Variants in LEMD2 observed in about 807,000 individuals in gnomAD.
LEMD2 encodes the protein LEM domain-containing protein 2.
LEMD2 carries 34 observed loss-of-function variants against 58.8 expected under a neutral mutation model. The ratio of observed to expected loss-of-function variants is 0.58; its 90% CI spans 0.44 to 0.77. LEMD2 has a LOEUF of 0.77. Ranked by LOEUF, LEMD2 falls within the 30% of genes least tolerant of loss-of-function variation. The pLI is 0.00. For missense variants in LEMD2, 629 were observed against 717.9 expected (o/e 0.88, Z 1.42); for synonymous variants, 298 against 308.9 (o/e 0.96, Z 0.37).
Position 33,772,703 on chromosome 6 carries a change from G to A in LEMD2, c.1437C>T (p.Ser479=). 1.2e-6 allele frequency: 2 copies of A among 1,614,052 alleles called. No homozygotes were observed. The highest frequency in any genetic ancestry group is 1.7e-6 in the Non-Finnish European group (2 of 1,180,006). Residue 479 remains serine (S), a synonymous_variant, in exon 9 of 9, where the codon TCC becomes TCT. Transcript: ENST00000293760. The stretch of plus-strand genomic sequence containing the variant: ...GCATGTCCTCTCCTGCAACGCGGTG[G>A]GACTCCGTCTGGATCCGGGATTCGT... The part of the protein sequence containing the change: ...ASNESRIQTE[S]HRVAGEDMLV...
intron 4 of LEMD2, 47 bp from the exon 5 acceptor site, chr6:33,780,226 A>T (rs1212334227): frequency 6.8e-7 from 1 of 1,475,108 alleles, no homozygotes; most frequent in African/African-American, 1.4e-5. Flanking sequence ...TGGGCGGAGC[A>T]GCTGGAACAT....
Position 33,788,501 on chromosome 6 carries a change from G to T in LEMD2, c.616C>A (p.Leu206Met). 1 of 1,542,216 alleles carries T rather than the reference G, an allele frequency of 6.5e-7. No homozygotes were observed. ...AGAAGCCGAGAGAGCCAGCGCTCCAGCCGGCGCCCCACCTCAGGCCGGGCC... is the reference window on the plus strand; with the variant it reads ...AGAAGCCGAGAGAGCCAGCGCTCCATCCGGCGCCCCACCTCAGGCCGGGCC... Reference protein sequence around the residue: ...ARARPEVGRRLERWLSRLLLW... With the variant: ...ARARPEVGRRMERWLSRLLLW... The change falls in exon 1 of 9, where the codon CTG (leucine) becomes ATG (methionine). Residue 206 changes from leucine to methionine, a missense_variant. Leu to Met is a conservative substitution (Grantham distance 15). This residue lies in a region of LEMD2 where 386 missense variants were observed against 381.1 expected (regional missense o/e 1.01). Coordinates refer to ENST00000293760, the MANE Select transcript of LEMD2 (RefSeq NM_181336.4).
chr6:33,785,112 G>A (rs533136096), intron 2 of LEMD2, among the ~76,000 whole-genome samples: 2 of 152,156 alleles, frequency 1.3e-5, no homozygotes, highest in Admixed American at 6.5e-5. Flanking sequence ...AAGTGTCACC[G>A]TCTTCAACGA....
rs967746183 is a variant in LEMD2, at chr6:33,773,954, G to C, written c.1362-1176C>G. Among the ~76,000 whole-genome samples the C allele has an allele frequency of 2.0e-5, 3 of 152,186 alleles. No homozygotes were observed. The East Asian group carries it at 5.8e-4, about 29-fold the overall frequency. On this transcript the variant is annotated intron_variant, in intron 8 of 8. Coordinates refer to ENST00000293760, the MANE Select transcript of LEMD2 (RefSeq NM_181336.4). ...GAGCAAACAGAGCATGGGCGTCTGG[G>C]GTTCACATGGCTCTGACCCTGAGGG...
At chr6:33,788,005 G>A (rs372167864) in intron 1 of LEMD2, among the ~76,000 whole-genome samples, 75 of 152,316 alleles carry the variant, frequency 4.9e-4, no homozygotes, top group African/African-American at 1.6e-3. Context: ...CACTAAATGT[G>A]TAAGCCAGAG....
At position 33,780,188 on chromosome 6, in the gene LEMD2, G is replaced by A. The variant is rs1417219819; in HGVS notation, c.931-9C>T. The A allele has an allele frequency of 1.3e-6, 2 of 1,579,096 alleles. No individual in the cohort carries two copies. The highest frequency in any genetic ancestry group is 1.7e-6 in the Non-Finnish European group (2 of 1,160,976). ...GAGCTGCTGGTCACATTCTGTGGGAGGGCGCGGGAGAAGGTTAGTTCGGCG... is the reference window on the plus strand; with the variant it reads ...GAGCTGCTGGTCACATTCTGTGGGAAGGCGCGGGAGAAGGTTAGTTCGGCG... On this transcript the variant is annotated splice_polypyrimidine_tract_variant and intron_variant, in intron 4 of 8. Transcript: ENST00000293760.
intron 5 of LEMD2, chr6:33,779,794 T>G: frequency 7.0e-6 from 2 of 284,046 alleles, no homozygotes; most frequent in Non-Finnish European, 1.3e-5. Flanking sequence ...CAACAAACCA[T>G]GTGGTGTTGT....
intron 8 of LEMD2, among the ~76,000 whole-genome samples, chr6:33,775,666 T>C (rs1767413673): frequency 1.3e-5 from 2 of 152,180 alleles, no homozygotes; most frequent in Non-Finnish European, 2.9e-5. Context: ...GGGTTGCAGA[T>C]AGGGATGATG....
At chr6:33,787,394 G>C (rs925014566) in intron 1 of LEMD2, among the ~76,000 whole-genome samples, 2 of 152,184 alleles carry the variant, frequency 1.3e-5, no homozygotes, top group African/African-American at 4.8e-5. Flanking sequence ...GTTTGCACAC[G>C]AGTCTGTTAA....
chr6:33,773,843 A>G (rs1013301851), intron 8 of LEMD2, among the ~76,000 whole-genome samples: 1 of 152,164 alleles, frequency 6.6e-6, no homozygotes, highest in Non-Finnish European at 1.5e-5. Flanking sequence ...CCTCATCTAC[A>G]GGGCAGACCT....
chr6:33,779,297 C>G (rs1428762595), intron 5 of LEMD2: 2 of 151,608 alleles, frequency 1.3e-5, no homozygotes, highest in African/African-American at 4.9e-5. Context: ...TTTAATCGTG[C>G]CATGCATCCA....
At chr6:33,780,478 A>G (rs1767540433) in intron 4 of LEMD2, among the ~76,000 whole-genome samples, 1 of 152,252 alleles carries the variant, frequency 6.6e-6, no homozygotes, top group Non-Finnish European at 1.5e-5. Flanking sequence ...CTGGCAGCTC[A>G]TCTTAGGGTA....
chr6:33,772,831 G>C (rs2127377100), intron 8 of LEMD2, 53 bp from the exon 9 acceptor site: 1 of 1,526,126 alleles, frequency 6.6e-7, no homozygotes, highest in African/African-American at 1.4e-5. Flanking sequence ...GAGCCAGCCT[G>C]TGGATGCCCC....
At chr6:33,781,258 T>C (rs1357937413) in intron 3 of LEMD2, 105 bp from the exon 4 acceptor site, 1 of 726,070 alleles carries the variant, frequency 1.4e-6, no homozygotes, top group Non-Finnish European at 2.4e-6. Context: ...ATAAGGAGCA[T>C]GTTGCCCAGC....
Position 33,777,256 on chromosome 6 carries a change from C to T in LEMD2, c.1157-17G>A. On this transcript the variant is annotated splice_polypyrimidine_tract_variant and intron_variant, in intron 6 of 8. Coordinates refer to ENST00000293760, the MANE Select transcript of LEMD2 (RefSeq NM_181336.4). ...AAGCCAAGCCTGTGAGGGAACAAAA[C>T]ACTGTTAATCCCTCACACTTCATTT... The T allele has an allele frequency of 6.6e-7, 1 of 1,503,762 alleles. No individual in the cohort carries two copies. Among genetic ancestry groups the T allele is most frequent in the African/African-American group, 1.4e-5 (1 of 72,892 alleles). 93.2% of individuals were successfully genotyped at this position (1,503,762 alleles called of 1,614,324 possible).
rs1190299960 is a variant in LEMD2 at position 33,772,531 on chromosome 6, AGT to A, written c.*95_*96del. ...CAGGACGAGACTGAAAGTCAAGGCA[AGT>A]GTGAATTCAGCACCGCAGGCCTGGT... On this transcript the variant is annotated 3_prime_UTR_variant, in exon 9 of 9. Coordinates refer to ENST00000293760, the MANE Select transcript of LEMD2 (RefSeq NM_181336.4). The A allele has an allele frequency of 4.4e-6, 5 of 1,139,732 alleles. No individual in the cohort carries two copies. Among genetic ancestry groups the A allele is most frequent in the Non-Finnish European group, 3.8e-6 (3 of 789,270 alleles). The allele number at this position is 1,139,732 out of a possible 1,614,324, so 70.6% of individuals were successfully genotyped here. A position where few individuals can be genotyped will look rare whatever the true frequency, so the allele number is the denominator to read the frequency against.
intron 8 of LEMD2, among the ~76,000 whole-genome samples, chr6:33,774,168 CTTTTTT>C (rs11349649): frequency 2.6e-5 from 3 of 115,366 alleles, no homozygotes; most frequent in Non-Finnish European, 5.4e-5. Flanking sequence ...TAGGCACTGA[CTTTTTT>C]TTTTTTTTTT....
intron 8 of LEMD2, chr6:33,776,608 T>A (rs552345715): frequency 1.3e-4 from 41 of 315,424 alleles, no homozygotes; most frequent in Non-Finnish European, 2.2e-4. Flanking sequence ...CATGCAGCTC[T>A]GAACTTCCAC....
At position 33,788,374 on chromosome 6, in the gene LEMD2, G is replaced by C; in HGVS notation, c.736+7C>G. 6.4e-7 allele frequency: 1 copy of C among 1,565,434 alleles called. No homozygotes were observed. Reference sequence around the variant, plus strand: ...AGGGCCCTCCCCTGCGCCGGCCCAGGACGTACTGTTGTCCTCCGCCTCCTG... The same window carrying C: ...AGGGCCCTCCCCTGCGCCGGCCCAGCACGTACTGTTGTCCTCCGCCTCCTG... On this transcript the variant is annotated splice_region_variant and intron_variant, in intron 1 of 8. Transcript: ENST00000293760.
Sources: gnomAD v4.1 joint callset for allele counts (sites outside exome capture counted in the v4.1 genomes callset) on GRCh38, gnomAD v4.1.1 for gene constraint, gnomAD v4.1.1 regional missense constraint, MANE v1.5 for transcripts, NCBI Gene and HGNC (gene_info 2026-07-23, HGNC 2026-07-21) for gene names.